Variants in CNOT6L observed in about 807,000 individuals in gnomAD.
CNOT6L encodes CCR4-NOT transcription complex subunit 6-like.
In CNOT6L, 7 loss-of-function variants were observed where a neutral mutation model predicts 64.0. The ratio of observed to expected loss-of-function variants is 0.11; its 90% CI spans 0.06 to 0.21. The LOEUF (loss-of-function observed/expected upper bound fraction) is 0.21, where lower values mean the gene tolerates loss of function less well. CNOT6L is among the 10% of genes least tolerant of loss of function. CNOT6L has a pLI of 1.00. For synonymous variants in CNOT6L, 193 were observed against 243.4 expected, an observed-to-expected ratio of 0.79 and a Z score of 1.93; for missense variants, 245 against 669.0, an observed-to-expected ratio of 0.37 and a Z score of 6.99.
chr4:77,768,470 AATAAATAT>A lies in CNOT6L; in HGVS notation c.400+4603_400+4610del, dbSNP rs1342290451. Among the ~76,000 whole-genome samples the A allele has an allele frequency of 6.2e-4, 84 of 134,404 alleles. 1 individual carries two copies. The highest frequency in any genetic ancestry group is 1.7e-3 in the African/African-American group (59 of 33,912). 88.2% of individuals were successfully genotyped at this position (134,404 alleles called of 152,430 possible). On this transcript the variant is annotated intron_variant, in intron 4 of 11. Coordinates refer to ENST00000504123, the MANE Select transcript of CNOT6L (RefSeq NM_144571.3). Reference sequence around the variant, plus strand: ...ACAGAGTGAGACTCTGTCTAAAATAAATAAATATATATATATATATATATATATATATA... The same window carrying A: ...ACAGAGTGAGACTCTGTCTAAAATAAATATATATATATATATATATATATA...
At chr4:77,734,227 C>T (rs893939996) in intron 8 of CNOT6L, among the ~76,000 whole-genome samples, 8 of 151,960 alleles carry the variant, frequency 5.3e-5, no homozygotes, top group South Asian at 2.1e-4. Context: ...AAAACAAAAA[C>T]GTGGAAAAAA....
intron 1 of CNOT6L, among the ~76,000 whole-genome samples, chr4:77,808,884 T>C (rs958012787): frequency 1.3e-5 from 2 of 152,320 alleles, no homozygotes; most frequent in East Asian, 1.9e-4. Context: ...ATCCTATAAA[T>C]GTAAGCATTA....
chr4:77,767,113 A>AT (rs1224812776), intron 4 of CNOT6L, among the ~76,000 whole-genome samples: 12 of 71,104 alleles, frequency 1.7e-4, no homozygotes, highest in South Asian at 4.7e-4. Flanking sequence ...GTGGTTTACA[A>AT]TAAAAAAAAA....
chr4:77,819,559 G>C (rs940983445), upstream of CNOT6L: 12 of 378,450 alleles, frequency 3.2e-5, no homozygotes, highest in South Asian at 1.0e-4. Context: ...CCCGGGCCCG[G>C]GGTCTCGGGG....
intron 5 of CNOT6L, among the ~76,000 whole-genome samples, chr4:77,755,287 C>A (rs1725430566): frequency 1.6e-5 from 2 of 124,804 alleles, no homozygotes; most frequent in Non-Finnish European, 3.1e-5. Flanking sequence ...GTCGCCCAGG[C>A]TGGAGTGCAG....
intron 1 of CNOT6L, among the ~76,000 whole-genome samples, chr4:77,810,678 A>G (rs114127853): frequency 5.5e-4 from 84 of 152,182 alleles, no homozygotes; most frequent in South Asian, 2.1e-3. Flanking sequence ...AGCTATTTGA[A>G]ACTACATAAT....
chr4:77,779,003 C>T (rs745386656), intron 1 of CNOT6L, among the ~76,000 whole-genome samples: 33 of 143,172 alleles, frequency 2.3e-4, no homozygotes, highest in South Asian at 6.8e-4. Context: ...GCCGAGATCG[C>T]GCCACTACAC....
At chr4:77,814,434 G>T (rs577229251) in intron 1 of CNOT6L, among the ~76,000 whole-genome samples, 85 of 152,170 alleles carry the variant, frequency 5.6e-4, no homozygotes, top group African/African-American at 1.6e-3. Context: ...TGACCCAATT[G>T]ACATTCCATT....
At position 77,718,835 on chromosome 4, in the gene CNOT6L, T is replaced by C. The variant is rs571057140; in HGVS notation, c.*1596A>G. ...TGTCAGGTTTGAAAGAGGAGACAAA[T>C]TGTGTATATTTAAAACTAATTAAAT... On this transcript the variant is annotated 3_prime_UTR_variant, in exon 12 of 12. Transcript: ENST00000504123. 1 of 152,704 alleles carries C rather than the reference T, an allele frequency of 6.5e-6. No homozygotes were observed. The highest frequency in any genetic ancestry group is 2.4e-5 in the African/African-American group (1 of 41,560). The allele number at this position is 152,704 out of a possible 1,614,324, so 9.5% of individuals were successfully genotyped here. A position where few individuals can be genotyped will look rare whatever the true frequency, so the allele number is the denominator to read the frequency against.
chr4:77,787,794 CTTAA>C (rs1161845515), intron 1 of CNOT6L, among the ~76,000 whole-genome samples: 3 of 152,192 alleles, frequency 2.0e-5, no homozygotes, highest in African/African-American at 4.8e-5. Context: ...CTTTATTTCA[CTTAA>C]TTAATTTCTC....
intron 1 of CNOT6L, among the ~76,000 whole-genome samples, chr4:77,781,180 G>C (rs1306642876): frequency 6.6e-6 from 1 of 152,022 alleles, no homozygotes; most frequent in Non-Finnish European, 1.5e-5. Flanking sequence ...GGGCCTGTCA[G>C]GGGGTAGGGG....
intron 4 of CNOT6L, among the ~76,000 whole-genome samples, chr4:77,760,885 T>TTTTTTTTTTTTTTTTTTTTTC: frequency 7.8e-6 from 1 of 128,612 alleles, no homozygotes; most frequent in Non-Finnish European, 1.6e-5. Context: ...TTTTTTTTTT[T>TTTTTTTTTTTTTTTTTTTTTC]TTTTTTTTTT....
chr4:77,735,897 T>C (rs1722894312), intron 8 of CNOT6L, among the ~76,000 whole-genome samples: 1 of 152,218 alleles, frequency 6.6e-6, no homozygotes, highest in South Asian at 2.1e-4. Flanking sequence ...TTTTTAAAAA[T>C]ACATGATTAG....
intron 4 of CNOT6L, among the ~76,000 whole-genome samples, chr4:77,769,539 C>T (rs531799624): frequency 1.2e-4 from 19 of 152,068 alleles, no homozygotes; most frequent in Non-Finnish European, 2.4e-4. Context: ...CTCTACTAGA[C>T]TGTTCTTTTT....
At chr4:77,815,543 G>A (rs1481168539) in intron 1 of CNOT6L, among the ~76,000 whole-genome samples, 1 of 152,124 alleles carries the variant, frequency 6.6e-6, no homozygotes. Flanking sequence ...CCTTTTGGAT[G>A]TAATTTCATA....
intron 1 of CNOT6L, among the ~76,000 whole-genome samples, chr4:77,785,510 C>T (rs1227595795): frequency 6.6e-6 from 1 of 151,364 alleles, no homozygotes; most frequent in Admixed American, 6.6e-5. Context: ...ATTTGCAAAA[C>T]ACGTATCTGA....
At position 77,736,420 on chromosome 4, in the gene CNOT6L, G is replaced by T. The variant is rs1722951350; in HGVS notation, c.873-4882C>A. Among the ~76,000 whole-genome samples, 3 of 152,132 alleles carry T rather than the reference G, an allele frequency of 2.0e-5. 1 individual carries two copies. Among genetic ancestry groups the T allele is most frequent in the Admixed American group, 2.0e-4 (3 of 15,274 alleles). On this transcript the variant is annotated intron_variant, in intron 8 of 11. Transcript: ENST00000504123. The stretch of plus-strand genomic sequence containing the variant: ...TTATCTTATTTCCTTGTTTATAACT[G>T]TAATAAATTTACAATATAGTAAGAT...
intron 1 of CNOT6L, among the ~76,000 whole-genome samples, chr4:77,817,010 T>G (rs1733656755): frequency 6.6e-6 from 1 of 152,200 alleles, no homozygotes. Context: ...TCTAAGAAGT[T>G]TTATTTACCA....
chr4:77,749,431 G>C (rs6835993), intron 5 of CNOT6L, among the ~76,000 whole-genome samples: 77,302 of 151,910 alleles, frequency 0.51, 20,069 homozygotes, highest in Admixed American at 0.55. Context: ...ATCTAATATA[G>C]AAACAGAAAG....
Sources: allele counts gnomAD v4.1 joint callset (sites outside exome capture counted in the v4.1 genomes callset), GRCh38; gene constraint gnomAD v4.1.1; transcripts MANE v1.5; gene names NCBI Gene and HGNC (gene_info 2026-07-23, HGNC 2026-07-21).